SFRP2: variants seen among roughly 807,000 people sequenced by gnomAD.
The protein encoded by SFRP2 is secreted frizzled-related protein 2.
In SFRP2, 16 loss-of-function variants were observed where a neutral mutation model predicts 26.0. That is an observed-to-expected ratio of 0.61 (90% CI 0.42 to 0.93). SFRP2 has a LOEUF of 0.93. Among genes scored for constraint, SFRP2 ranks in the 40% least tolerant of loss-of-function variants. SFRP2 has a pLI of 0.00. For missense variants in SFRP2, 343 were observed against 392.4 expected (o/e 0.87, Z 1.06); for synonymous variants, 173 against 167.3 (o/e 1.03, Z -0.26).
At chr4:153,781,779 C>T in intron 2 of SFRP2, 24 bp from the exon 3 acceptor site, 1 of 1,599,196 alleles carries the variant, frequency 6.3e-7, no homozygotes, top group Non-Finnish European at 8.6e-7. Context: ...CAGAAAGAGT[C>T]ATGCCAGTTA....
Position 153,780,948 on chromosome 4 carries a change from ACTGAGTCTCAGT to A in SFRP2, c.*491_*502del, listed in dbSNP as rs1294185957. 6.3e-6 allele frequency: 1 copy of A among 157,548 alleles called. No individual in the cohort carries two copies. The highest frequency in any genetic ancestry group is 1.4e-5 in the Non-Finnish European group (1 of 71,140). 9.8% of individuals were successfully genotyped at this position (157,548 alleles called of 1,614,324 possible). A position where few individuals can be genotyped will look rare whatever the true frequency, so the allele number is the denominator to read the frequency against. The stretch of plus-strand genomic sequence containing the variant: ...TGATGAATTGTTGTAAGACTTAGAC[ACTGAGTCTCAGT>A]CTGGAGCTGATGAAGATGTTGAGAT... On this transcript the variant is annotated 3_prime_UTR_variant, in exon 3 of 3. Coordinates refer to ENST00000274063, the MANE Select transcript of SFRP2 (RefSeq NM_003013.3).
At chr4:153,786,944 A>G (rs1048913525) in intron 1 of SFRP2, among the ~76,000 whole-genome samples, 14 of 152,096 alleles carry the variant, frequency 9.2e-5, no homozygotes, top group African/African-American at 3.4e-4. Context: ...GTGAAATGAG[A>G]TTTTCACTAA....
At chr4:153,787,804 C>A (rs1163302586) in intron 1 of SFRP2, among the ~76,000 whole-genome samples, 1 of 152,222 alleles carries the variant, frequency 6.6e-6, no homozygotes, top group African/African-American at 2.4e-5. Flanking sequence ...GACAAAAAGA[C>A]CCTTAAAAGG....
chr4:153,786,804 T>C (rs899371300), intron 1 of SFRP2, among the ~76,000 whole-genome samples: 4 of 151,672 alleles, frequency 2.6e-5, no homozygotes, highest in Non-Finnish European at 4.4e-5. Flanking sequence ...ACTAGCACAA[T>C]TATCAGAAGA....
At chr4:153,786,564 A>G (rs1215457775) in intron 1 of SFRP2, among the ~76,000 whole-genome samples, 1 of 152,058 alleles carries the variant, frequency 6.6e-6, no homozygotes, top group East Asian at 1.9e-4. Context: ...ACTAATTACA[A>G]CAGCCTGCTC....
Position 153,781,688 on chromosome 4 carries a change from C to T in SFRP2, c.651G>A (p.Lys217=). 1 of 1,614,158 alleles carries T rather than the reference C, an allele frequency of 6.2e-7. No homozygotes were observed. Among genetic ancestry groups the T allele is most frequent in the Non-Finnish European group, 8.5e-7 (1 of 1,180,014 alleles). ...NRDTKIILET[K]SKTIYKLNGV... ...CGTTCAGCTTGTAAATGGTCTTGCT[C>T]TTGGTCTCCAGGATGATTTTGGTAT... Residue 217 remains lysine, a synonymous_variant, in exon 3 of 3, where the codon AAG becomes AAA. Transcript: ENST00000274063.
chr4:153,783,028 G>A (rs1490421590), intron 2 of SFRP2, among the ~76,000 whole-genome samples: 1 of 151,332 alleles, frequency 6.6e-6, no homozygotes, highest in Non-Finnish European at 1.5e-5. Context: ...ACTGAGTATG[G>A]CTTTCTAGTC....
In SFRP2 at chr4:153,788,732, T is replaced by C. The variant is rs1553961455; in HGVS notation, c.104A>G (p.Tyr35Cys). ...LFLFGQPDFSYKRSNCKPIPA... is the reference protein window; with the variant it reads ...LFLFGQPDFSCKRSNCKPIPA... ...GATGGGCTTGCAATTGCTGCGCTTG[T>C]AGGAGAAGTCGGGCTGGCCAAAGAG... Residue 35 changes from tyrosine to cysteine, a missense_variant, in exon 1 of 3, where the codon TAC becomes TGC. Around this residue, in one of 2 missense-constraint regions of SFRP2, gnomAD observed 251 missense variants for 253.3 expected, o/e 0.99. Transcript: ENST00000274063. 1.9e-6 allele frequency: 3 copies of C among 1,613,552 alleles called. No homozygotes were observed. The highest frequency in any genetic ancestry group is 2.2e-5 in the South Asian group (2 of 91,082).
rs1044000657 is a variant in SFRP2 at position 153,781,812 on chromosome 4, TC to T, written c.584-58del. ...TTATAATGAGGGAATACAGTATACC[TC>T]CCCCCATTCTGCCAACTCGTGTGAC... is the stretch of plus-strand genomic sequence containing the variant. On this transcript the variant is annotated intron_variant, in intron 2 of 2. Transcript: ENST00000274063. 4.2e-6 allele frequency: 6 copies of T among 1,442,574 alleles called. No individual in the cohort carries two copies. In the African/African-American group the frequency reaches 5.6e-5, roughly 14 times the overall value. 89.4% of individuals were successfully genotyped at this position (1,442,574 alleles called of 1,614,324 possible).
chr4:153,786,365 C>G (rs1741209523), intron 1 of SFRP2, among the ~76,000 whole-genome samples: 3 of 152,144 alleles, frequency 2.0e-5, no homozygotes, highest in African/African-American at 7.2e-5. Flanking sequence ...ACCAAAGATA[C>G]TTGAGGAATT....
intron 2 of SFRP2, among the ~76,000 whole-genome samples, chr4:153,783,735 A>C (rs992001356): frequency 9.2e-5 from 14 of 152,322 alleles, no homozygotes; most frequent in African/African-American, 3.4e-4. Flanking sequence ...AAGTCAAATA[A>C]ATCAGATTTC....
chr4:153,787,033 G>T (rs1483677465), intron 1 of SFRP2, among the ~76,000 whole-genome samples: 1 of 152,110 alleles, frequency 6.6e-6, no homozygotes, highest in Non-Finnish European at 1.5e-5. Context: ...CACAAAGCTG[G>T]AATTTTGAAG....
chr4:153,787,100 G>C (rs752351615), intron 1 of SFRP2, among the ~76,000 whole-genome samples: 1 of 152,094 alleles, frequency 6.6e-6, no homozygotes, highest in Admixed American at 6.5e-5. Flanking sequence ...TGTAAGATGC[G>C]TAATGTTGCT....
In SFRP2 at chr4:153,788,912, C is replaced by T. The variant is rs1579132401; in HGVS notation, c.-77G>A. On this transcript the variant is annotated 5_prime_UTR_variant, in exon 1 of 3. Coordinates refer to ENST00000274063, the MANE Select transcript of SFRP2 (RefSeq NM_003013.3). The stretch of plus-strand genomic sequence containing the variant: ...AGGCGGCCGGAGTTCGAGCTTGTCC[C>T]GGGCCCGCTCTCTTCGCTGGGTGCG... The T allele has an allele frequency of 2.8e-6, 4 of 1,427,784 alleles. No individual in the cohort carries two copies. Among genetic ancestry groups the T allele is most frequent in the Non-Finnish European group, 1.8e-6 (2 of 1,091,634 alleles). The allele number at this position is 1,427,784 out of a possible 1,614,324, so 88.4% of individuals were successfully genotyped here.
chr4:153,786,329 C>G (rs1741208672), intron 1 of SFRP2, among the ~76,000 whole-genome samples: 2 of 152,204 alleles, frequency 1.3e-5, no homozygotes, highest in African/African-American at 4.8e-5. Flanking sequence ...TTCCCAAGGC[C>G]TTTTGAAGGA....
chr4:153,781,338 G>T lies in SFRP2; in HGVS notation c.*113C>A. The T allele has an allele frequency of 1.0e-6, 1 of 985,912 alleles. No individual in the cohort carries two copies. Among genetic ancestry groups the T allele is most frequent in the Non-Finnish European group, 1.5e-6 (1 of 661,178 alleles). The allele number at this position is 985,912 out of a possible 1,614,324, so 61.1% of individuals were successfully genotyped here. ...CAAAAGGCAGGGGGAAGCTGCCCAGGCTGAGACTGGAGCAGCTAGGAGTGT... is the reference window on the plus strand; with the variant it reads ...CAAAAGGCAGGGGGAAGCTGCCCAGTCTGAGACTGGAGCAGCTAGGAGTGT... On this transcript the variant is annotated 3_prime_UTR_variant, in exon 3 of 3. Coordinates refer to ENST00000274063, the MANE Select transcript of SFRP2 (RefSeq NM_003013.3).
Position 153,789,046 on chromosome 4 carries a change from C to T in SFRP2, c.-211G>A. On this transcript the variant is annotated 5_prime_UTR_variant, in exon 1 of 3. Coordinates refer to ENST00000274063, the MANE Select transcript of SFRP2 (RefSeq NM_003013.3). ...CAAGCCCGCGCGCAGCTCCGGGGGGCTCCGACCCGGGGGAGCAGAATGAGC... is the reference window on the plus strand; with the variant it reads ...CAAGCCCGCGCGCAGCTCCGGGGGGTTCCGACCCGGGGGAGCAGAATGAGC... 9.4e-6 allele frequency: 5 copies of T among 529,920 alleles called. No homozygotes were observed. The highest frequency in any genetic ancestry group is 3.9e-5 in the Admixed American group (1 of 25,466). 32.8% of individuals were successfully genotyped at this position (529,920 alleles called of 1,614,324 possible).
chr4:153,783,165 C>T (rs564171692), intron 2 of SFRP2, among the ~76,000 whole-genome samples: 31 of 152,128 alleles, frequency 2.0e-4, no homozygotes, highest in African/African-American at 7.2e-4. Context: ...AGACTCAAGT[C>T]GTGGAATAAG....
At position 153,781,343 on chromosome 4, in the gene SFRP2, G is replaced by C. The variant is rs1346670649; in HGVS notation, c.*108C>G. On this transcript the variant is annotated 3_prime_UTR_variant, in exon 3 of 3. Transcript: ENST00000274063. ...GGCAGGGGGAAGCTGCCCAGGCTGA[G>C]ACTGGAGCAGCTAGGAGTGTGCTTG... The C allele has an allele frequency of 9.7e-7, 1 of 1,027,606 alleles. No homozygotes were observed. The highest frequency in any genetic ancestry group is 1.4e-6 in the Non-Finnish European group (1 of 695,636). 63.7% of individuals were successfully genotyped at this position (1,027,606 alleles called of 1,614,324 possible). A position where few individuals can be genotyped will look rare whatever the true frequency, so the allele number is the denominator to read the frequency against.
Sources: allele counts gnomAD v4.1 joint callset (sites outside exome capture counted in the v4.1 genomes callset), GRCh38; gene constraint gnomAD v4.1.1; regional missense constraint gnomAD v4.1.1; transcripts MANE v1.5; gene names NCBI Gene and HGNC (gene_info 2026-07-23, HGNC 2026-07-21).